NUAK1: variants seen among roughly 807,000 people sequenced by gnomAD.
NUAK1 encodes the protein NUAK family SNF1-like kinase 1.
In NUAK1, 26 loss-of-function variants were observed where a neutral mutation model predicts 56.9. The observed-to-expected ratio is 0.46, with a 90% CI of 0.33 to 0.63. NUAK1 has a LOEUF of 0.63. NUAK1 is among the 30% of genes least tolerant of loss of function. NUAK1 has a pLI of 0.02. For missense variants in NUAK1, 727 were observed against 876.1 expected (o/e 0.83, Z 2.15); for synonymous variants, 337 against 336.0 (o/e 1.00, Z -0.03).
rs1171155148 is a variant in NUAK1 at position 106,067,711 on chromosome 12, C to T, written c.1077G>A (p.Glu359=). Residue 359 remains glutamate (E), a synonymous_variant, in exon 7 of 7, where the codon GAG becomes GAA. Transcript: ENST00000261402. This position sits in a 1 kb window ranked among gnomAD's most constrained non-coding sequence, Gnocchi z 6.0. Reference sequence around the variant, plus strand: ...GCGACCGCTGCCGCTCTAGCATGACCTCAGAGGTCGTGGGTTTGGCCAGGC... The same window carrying T: ...GCGACCGCTGCCGCTCTAGCATGACTTCAGAGGTCGTGGGTTTGGCCAGGC... The part of the protein sequence containing the change: ...MKGLAKPTTS[E]VMLERQRSLK... The T allele has an allele frequency of 1.2e-6, 2 of 1,614,256 alleles. No individual in the cohort carries two copies. Among genetic ancestry groups the T allele is most frequent in the Non-Finnish European group, 1.7e-6 (2 of 1,180,050 alleles).
At chr12:106,069,942 G>A (rs2032387530) in intron 6 of NUAK1, among the ~76,000 whole-genome samples, 2 of 152,136 alleles carry the variant, frequency 1.3e-5, no homozygotes, top group Admixed American at 6.5e-5. Flanking sequence ...GCTCATGACC[G>A]TGGTTGTCTT....
At chr12:106,124,790 G>A (rs1008664992) in intron 1 of NUAK1, among the ~76,000 whole-genome samples, 1 of 151,888 alleles carries the variant, frequency 6.6e-6, no homozygotes, top group Non-Finnish European at 1.5e-5. Context: ...CAGGTGGATC[G>A]CCTGAGGTTA....
chr12:106,072,209 T>C lies in NUAK1; in HGVS notation c.699+515A>G, dbSNP rs150680806. Among the ~76,000 whole-genome samples, 908 of 152,348 alleles carry C rather than the reference T, an allele frequency of 6.0e-3. 10 individuals carry two copies. The highest frequency in any genetic ancestry group is 0.02 in the African/African-American group (846 of 41,574). On this transcript the variant is annotated intron_variant, in intron 5 of 6. Coordinates refer to ENST00000261402, the MANE Select transcript of NUAK1 (RefSeq NM_014840.3). Reference sequence around the variant, plus strand: ...GAGGCAATTTTTTGTTTGTTTGTTTTGTCTGTTTTGATATAATAGGGAAAA... The same window carrying C: ...GAGGCAATTTTTTGTTTGTTTGTTTCGTCTGTTTTGATATAATAGGGAAAA...
At chr12:106,126,284 G>C (rs951888989) in intron 1 of NUAK1, among the ~76,000 whole-genome samples, 9 of 152,228 alleles carry the variant, frequency 5.9e-5, no homozygotes, top group Admixed American at 6.5e-5. Context: ...GCCTCCCCCA[G>C]TGCCTAGCAC....
In NUAK1 at chr12:106,067,616, T is replaced by A. The variant is rs753293421; in HGVS notation, c.1172A>T (p.Lys391Met). 1 of 1,614,254 alleles carries A rather than the reference T, an allele frequency of 6.2e-7. No individual in the cohort carries two copies. The highest frequency in any genetic ancestry group is 2.2e-5 in the East Asian group (1 of 44,884). Reference sequence around the variant, plus strand: ...CCCCTTGGGCCTCTTAGAACTCAACTTGGATGGGCTTTCAGGCACTGCATC... The same window carrying A: ...CCCCTTGGGCCTCTTAGAACTCAACATGGATGGGCTTTCAGGCACTGCATC... Reference protein sequence around the residue: ...GQDAVPESPSKLSSKRPKGIL... With the variant: ...GQDAVPESPSMLSSKRPKGIL... Residue 391 changes from lysine to methionine, a missense_variant, in exon 7 of 7, where the codon AAG (lysine) becomes ATG (methionine). Physicochemically the swap from Lys to Met is moderately conservative, Grantham distance 95. Transcript: ENST00000261402. This position sits in a 1 kb window ranked among gnomAD's most constrained non-coding sequence, Gnocchi z 6.0.
rs200668694 is a variant in NUAK1, at chr12:106,066,998, C to G, written c.1790G>C (p.Arg597Pro). The G allele has an allele frequency of 5.0e-6, 8 of 1,614,206 alleles. No individual in the cohort carries two copies. The highest frequency in any genetic ancestry group is 6.8e-6 in the Non-Finnish European group (8 of 1,180,044). The change falls in exon 7 of 7, where the codon CGC (arginine) becomes CCC (proline). Residue 597 changes from arginine (R) to proline (P), a missense_variant. Arg to Pro is a moderately radical substitution (Grantham distance 103). Transcript: ENST00000261402. ...DLQENRPARQ[R>P]IRSCVSAENF... ...TTCTGCAGAGACGCAGCTGCGGATG[C>G]GCTGGCGGGCAGGGCGATTCTCCTG...
chr12:106,111,109 G>A (rs1351232733), intron 1 of NUAK1, among the ~76,000 whole-genome samples: 3 of 152,066 alleles, frequency 2.0e-5, no homozygotes, highest in Admixed American at 6.6e-5. Context: ...CCCAGGTCTC[G>A]GTTTCCTCAC....
chr12:106,094,070 A>G (rs139296640), intron 2 of NUAK1, among the ~76,000 whole-genome samples: 4 of 152,068 alleles, frequency 2.6e-5, no homozygotes, highest in South Asian at 4.2e-4. Flanking sequence ...CAGCCTCCCA[A>G]AGTGCTGGGA....
chr12:106,122,981 A>G (rs1448751354), intron 1 of NUAK1, among the ~76,000 whole-genome samples: 2 of 152,236 alleles, frequency 1.3e-5, no homozygotes, highest in African/African-American at 2.4e-5. Context: ...CCTGTAGTCC[A>G]TGCTCGACAA....
intron 4 of NUAK1, among the ~76,000 whole-genome samples, chr12:106,073,919 A>T (rs12422308): frequency 0.12 from 18,761 of 151,932 alleles, 1,754 homozygotes; most frequent in East Asian, 0.5. Flanking sequence ...TACTCCACAC[A>T]CCTTGGAGTC....
rs765077418 is a variant in NUAK1 at position 106,067,204 on chromosome 12, G to C, written c.1584C>G (p.Ser528Arg). The C allele has an allele frequency of 6.2e-7, 1 of 1,613,994 alleles. No individual in the cohort carries two copies. Among genetic ancestry groups the C allele is most frequent in the East Asian group, 2.2e-5 (1 of 44,882 alleles). ...SCRRKGILKHSSKYSAGTMDP... is the reference protein window; with the variant it reads ...SCRRKGILKHRSKYSAGTMDP... ...CCATGGTGCCCGCTGAGTATTTGCT[G>C]CTGTGTTTCAAGATGCCCTTCCTCC... The change falls in exon 7 of 7, where the codon AGC becomes AGG. Residue 528 changes from serine (S) to arginine (R), a missense_variant. Coordinates refer to ENST00000261402, the MANE Select transcript of NUAK1 (RefSeq NM_014840.3). This position sits in a 1 kb window ranked among gnomAD's most constrained non-coding sequence, Gnocchi z 6.0.
intron 1 of NUAK1, among the ~76,000 whole-genome samples, chr12:106,109,178 G>A (rs2032833925): frequency 6.6e-6 from 1 of 152,214 alleles, no homozygotes; most frequent in Non-Finnish European, 1.5e-5. Flanking sequence ...TCCCAGAGTG[G>A]TGGCGGACCC....
In NUAK1 at chr12:106,138,522, C is replaced by A; in HGVS notation, c.132G>T (p.Arg44=). 6.2e-7 allele frequency: 1 copy of A among 1,613,096 alleles called. No individual in the cohort carries two copies. Among genetic ancestry groups the A allele is most frequent in the Non-Finnish European group, 8.5e-7 (1 of 1,179,812 alleles). Residue 44 remains arginine, a synonymous_variant, in exon 1 of 7, where the codon CGG becomes CGT. Transcript: ENST00000261402. This position sits in a 1 kb window ranked among gnomAD's most constrained non-coding sequence, Gnocchi z 5.0. The part of the protein sequence containing the change: ...LEPRKPHGVK[R]HHHKHNLKHR... ...GCTTCAAGTTGTGCTTGTGGTGATGCCGCTTCACCCCGTGCGGCTTCCTGG... is the reference window on the plus strand; with the variant it reads ...GCTTCAAGTTGTGCTTGTGGTGATGACGCTTCACCCCGTGCGGCTTCCTGG...
intron 1 of NUAK1, among the ~76,000 whole-genome samples, chr12:106,122,463 A>C (rs1314619098): frequency 6.6e-6 from 1 of 152,240 alleles, no homozygotes; most frequent in Non-Finnish European, 1.5e-5. Context: ...GGATGAATTC[A>C]GGTCAGTGAC....
Position 106,066,965 on chromosome 12 carries a change from A to G in NUAK1, c.1823T>C (p.Leu608Pro). The change falls in exon 7 of 7, where the codon CTC becomes CCC. Residue 608 changes from leucine to proline, a missense_variant. By Grantham distance (98) the Leu-to-Pro change is moderately conservative. Coordinates refer to ENST00000261402, the MANE Select transcript of NUAK1 (RefSeq NM_014840.3). The stretch of plus-strand genomic sequence containing the variant: ...GAGCCCCTCAAAGTCCTGGATCTGG[A>G]GGAAGTTTTCTGCAGAGACGCAGCT... ...IRSCVSAENFLQIQDFEGLQN... is the reference protein window; with the variant it reads ...IRSCVSAENFPQIQDFEGLQN... The G allele has an allele frequency of 1.2e-6, 2 of 1,614,190 alleles. No homozygotes were observed. The highest frequency in any genetic ancestry group is 1.7e-6 in the Non-Finnish European group (2 of 1,180,018).
rs2032419307 is a variant in NUAK1 at position 106,072,790 on chromosome 12, C to T, written c.633G>A (p.Thr211=). ...NLYQKDKFLQ[T]FCGSPLYASP... Reference sequence around the variant, plus strand: ...ATGCATAGAGTGGACTCCCACAAAACGTTTGTAAGAACTTATCCTTCTGGT... The same window carrying T: ...ATGCATAGAGTGGACTCCCACAAAATGTTTGTAAGAACTTATCCTTCTGGT... The change falls in exon 5 of 7, where the codon ACG becomes ACA. Residue 211 remains threonine (T), a synonymous_variant. Transcript: ENST00000261402. 3 of 1,613,916 alleles carry T rather than the reference C, an allele frequency of 1.9e-6. No homozygotes were observed. The highest frequency in any genetic ancestry group is 1.3e-5 in the African/African-American group (1 of 75,008).
intron 1 of NUAK1, among the ~76,000 whole-genome samples, chr12:106,127,657 G>A (rs192362622): frequency 2.0e-5 from 3 of 152,350 alleles, no homozygotes; most frequent in Admixed American, 6.5e-5. Flanking sequence ...CACTTGCAAA[G>A]TGTGTATGAG....
chr12:106,106,609 G>A, intron 1 of NUAK1, 84 bp from the exon 2 acceptor site: 1 of 1,410,524 alleles, frequency 7.1e-7, no homozygotes, highest in Non-Finnish European at 9.6e-7. Flanking sequence ...AATAAATACA[G>A]ATGTTACTTG....
chr12:106,122,764 G>T (rs1057463827), intron 1 of NUAK1, among the ~76,000 whole-genome samples: 1 of 152,078 alleles, frequency 6.6e-6, no homozygotes, highest in East Asian at 1.9e-4. Flanking sequence ...GAAGATACTC[G>T]GGTGTCCCCA....
Sources: gnomAD v4.1 joint callset for allele counts (sites outside exome capture counted in the v4.1 genomes callset) on GRCh38, gnomAD v4.1.1 for gene constraint, Gnocchi (gnomAD v3.1) non-coding constraint, MANE v1.5 for transcripts, NCBI Gene and HGNC (gene_info 2026-07-23, HGNC 2026-07-21) for gene names.